The following SEPTIN10 variants were observed in gnomAD, a reference collection of about 807,000 sequenced individuals.
SEPTIN10 encodes the protein septin 10.
Under a neutral mutation model 54.8 loss-of-function variants are expected in SEPTIN10, and 66 were observed. The ratio of observed to expected loss-of-function variants is 1.21; its 90% CI spans 0.99 to 1.48. SEPTIN10 has a LOEUF of 1.48. Among genes scored for constraint, SEPTIN10 ranks in the 40% most tolerant of loss-of-function variants. SEPTIN10 has a pLI of 0.00. For synonymous variants in SEPTIN10, 161 were observed against 181.0 expected (o/e 0.89, Z 0.89); for missense variants, 620 against 545.6 (o/e 1.14, Z -1.36).
chr2:109,586,309 C>G (rs936707684), intron 2 of SEPTIN10, among the ~76,000 whole-genome samples: 4 of 152,142 alleles, frequency 2.6e-5, no homozygotes, highest in Non-Finnish European at 5.9e-5. Flanking sequence ...ACAAGCAACC[C>G]TTTTAAGTCA....
chr2:109,545,140 G>T, intron 10 of SEPTIN10: 3 of 985,394 alleles, frequency 3.0e-6, no homozygotes, highest in Non-Finnish European at 3.6e-6. Flanking sequence ...TGCTCTGTGG[G>T]GAACATGGGA....
At chr2:109,605,656 T>C (rs1697779022) in intron 1 of SEPTIN10, 1 of 152,166 alleles carries the variant, frequency 6.6e-6, no homozygotes, top group East Asian at 1.9e-4. Flanking sequence ...AAAAAGAAAA[T>C]ATATAGCAAA....
intron 2 of SEPTIN10, among the ~76,000 whole-genome samples, chr2:109,591,775 A>C (rs1192387938): frequency 1.3e-5 from 2 of 151,982 alleles, no homozygotes; most frequent in Non-Finnish European, 2.9e-5. Flanking sequence ...GCACATGCCT[A>C]TAATCATAGC....
At chr2:109,562,859 C>CAGA (rs1686025286) in intron 8 of SEPTIN10, among the ~76,000 whole-genome samples, 1 of 151,984 alleles carries the variant, frequency 6.6e-6, no homozygotes, top group African/African-American at 2.4e-5. Flanking sequence ...GGCCCACAAC[C>CAGA]AGAAGCATCC....
chr2:109,574,235 T>C (rs1311281526), intron 5 of SEPTIN10, among the ~76,000 whole-genome samples: 1 of 151,654 alleles, frequency 6.6e-6, no homozygotes, highest in African/African-American at 2.4e-5. Flanking sequence ...GTCCAGGAGT[T>C]TGAGACCAAC....
chr2:109,554,876 T>C (rs1684003900), intron 8 of SEPTIN10, among the ~76,000 whole-genome samples: 1 of 152,200 alleles, frequency 6.6e-6, no homozygotes, highest in Admixed American at 6.5e-5. Context: ...CTGGAATCAC[T>C]GTATGTAGAA....
At chr2:109,578,844 G>A (rs1297093344) in intron 4 of SEPTIN10, among the ~76,000 whole-genome samples, 1 of 152,050 alleles carries the variant, frequency 6.6e-6, no homozygotes, top group Admixed American at 6.6e-5. Flanking sequence ...CCTAAGCCAC[G>A]CTTACAGGGT....
At chr2:109,605,978 A>C (rs148301650) in intron 1 of SEPTIN10, among the ~76,000 whole-genome samples, 1 of 152,330 alleles carries the variant, frequency 6.6e-6, no homozygotes, top group Non-Finnish European at 1.5e-5. Context: ...AGAACTGCCA[A>C]AGCCTGGAAT....
chr2:109,571,596 T>C (rs1688408389), intron 5 of SEPTIN10, among the ~76,000 whole-genome samples: 1 of 152,196 alleles, frequency 6.6e-6, no homozygotes, highest in Non-Finnish European at 1.5e-5. Context: ...AAATAAGGTA[T>C]AATCTTATGG....
At chr2:109,547,880 T>C (rs1402045915) in intron 9 of SEPTIN10, among the ~76,000 whole-genome samples, 2 of 152,190 alleles carry the variant, frequency 1.3e-5, no homozygotes, top group South Asian at 2.1e-4. Context: ...CCACCCTGGG[T>C]AGTTCTTTCT....
intron 1 of SEPTIN10, among the ~76,000 whole-genome samples, chr2:109,594,283 T>G (rs77882841): frequency 6.6e-6 from 1 of 151,188 alleles, no homozygotes; most frequent in Non-Finnish European, 1.5e-5. Context: ...AAAAAAAAAT[T>G]GCAAATGGTG....
intron 4 of SEPTIN10, among the ~76,000 whole-genome samples, chr2:109,584,892 G>A (rs1024090596): frequency 6.6e-6 from 1 of 152,116 alleles, no homozygotes; most frequent in Admixed American, 6.5e-5. Context: ...TTGCTGAAAT[G>A]CACATTTTAA....
chr2:109,605,725 A>G (rs771575762), intron 1 of SEPTIN10: 3 of 152,250 alleles, frequency 2.0e-5, no homozygotes, highest in Non-Finnish European at 4.4e-5. Flanking sequence ...ATGCTGTATT[A>G]GGTTCTTTAG....
intron 4 of SEPTIN10, among the ~76,000 whole-genome samples, chr2:109,578,773 G>GA (rs77473314): frequency 2.3e-3 from 314 of 134,910 alleles, no homozygotes; most frequent in Admixed American, 4.7e-3. Context: ...CCTCAAAAAA[G>GA]AAAAAAAAAA....
At chr2:109,613,292 A>T in intron 1 of SEPTIN10, 1 of 700,966 alleles carries the variant, frequency 1.4e-6, no homozygotes, top group Non-Finnish European at 2.0e-6. Context: ...CAAGGCGGGA[A>T]AAAAACGGTT....
At chr2:109,610,541 C>G (rs1434363816) in intron 1 of SEPTIN10, among the ~76,000 whole-genome samples, 1 of 151,986 alleles carries the variant, frequency 6.6e-6, no homozygotes, top group Non-Finnish European at 1.5e-5. Context: ...ATGGAGAAAC[C>G]CTGTGTCTAC....
chr2:109,576,125 T>A (rs1689628304), intron 4 of SEPTIN10, among the ~76,000 whole-genome samples: 1 of 152,038 alleles, frequency 6.6e-6, no homozygotes, highest in South Asian at 2.1e-4. Context: ...CAGCCAGGCA[T>A]TGTGAGGTGC....
In SEPTIN10 at chr2:109,585,716, C is replaced by T. The variant is rs765515150; in HGVS notation, c.217+5G>A. 2.1e-5 allele frequency: 34 copies of T among 1,592,466 alleles called. No homozygotes were observed. Among genetic ancestry groups the T allele is most frequent in the Admixed American group, 1.3e-4 (8 of 59,898 alleles). On this transcript the variant is annotated splice_donor_5th_base_variant and intron_variant, in intron 3 of 10. Transcript: ENST00000397712. The stretch of plus-strand genomic sequence containing the variant: ...CAACTTAGAGGAAGAGTAGGTGGCA[C>T]GTACCCACACAGAGAATATTAAAGC...
chr2:109,549,219 G>A (rs1475118286), intron 9 of SEPTIN10, among the ~76,000 whole-genome samples: 1 of 152,168 alleles, frequency 6.6e-6, no homozygotes, highest in East Asian at 1.9e-4. Flanking sequence ...GAGCAGGAGT[G>A]GGACAAAGTC....
Sources: allele counts gnomAD v4.1 joint callset (sites outside exome capture counted in the v4.1 genomes callset), GRCh38; gene constraint gnomAD v4.1.1; transcripts MANE v1.5; gene names NCBI Gene and HGNC (gene_info 2026-07-23, HGNC 2026-07-21).